The following CACNA1B variants were observed in gnomAD, a reference collection of about 807,000 sequenced individuals.
CACNA1B encodes the protein voltage-dependent N-type calcium channel subunit alpha-1B.
Under a neutral mutation model 247.2 loss-of-function variants are expected in CACNA1B, and 70 were observed. That is an observed-to-expected ratio of 0.28 (90% confidence interval 0.23 to 0.35). The LOEUF (loss-of-function observed/expected upper bound fraction) is 0.35. Ranked by LOEUF, CACNA1B falls within the 10% of genes least tolerant of loss-of-function variation. CACNA1B has a pLI of 1.00. For synonymous variants in CACNA1B, 1,231 were observed against 1,294.4 expected (o/e 0.95, Z 1.05); for missense variants, 2,367 against 3,197.4 (o/e 0.74, Z 6.26).
rs1175642355 is a variant in CACNA1B, at chr9:137,954,062, T to C, written c.1071-1636T>C. ...GCCCAAGGCAGGGCCTGCACGGTAT[T>C]TCCCACTCCTTCCCCACTGTGAGGA... On this transcript the variant is annotated intron_variant, in intron 7 of 46. Transcript: ENST00000371372. The surrounding 1 kb of genome is among the most constrained non-coding windows in gnomAD (Gnocchi z 4.1). Among the ~76,000 whole-genome samples, 1 of 152,138 alleles carries C rather than the reference T, an allele frequency of 6.6e-6. No homozygotes were observed. The highest frequency in any genetic ancestry group is 1.5e-5 in the Non-Finnish European group (1 of 67,994).
Position 138,120,926 on chromosome 9 carries a change from C to A in CACNA1B, c.6489+45C>A, listed in dbSNP as rs143073975. The A allele has an allele frequency of 7.1e-4, 1,086 of 1,525,222 alleles. 8 individuals carry two copies. In the African/African-American group the frequency reaches 0.012, roughly 17 times the overall value. The allele number at this position is 1,525,222 out of a possible 1,614,324, so 94.5% of individuals were successfully genotyped here. A position where few individuals can be genotyped will look rare whatever the true frequency, so the allele number is the denominator to read the frequency against. On this transcript the variant is annotated intron_variant, in intron 46 of 46. Coordinates refer to ENST00000371372, the MANE Select transcript of CACNA1B (RefSeq NM_000718.4). ...AGGTCAGGGCCCAGCTGCCTCTCCT[C>A]GGCCCAGCACCCCTGTCCCACAGGC...
intron 20 of CACNA1B, among the ~76,000 whole-genome samples, chr9:138,035,376 T>G (rs2133455579): frequency 6.6e-6 from 1 of 152,272 alleles, no homozygotes; most frequent in East Asian, 1.9e-4. Context: ...AGAGAATCTC[T>G]TGAACCCAGG....
chr9:137,906,222 G>A (rs1957297369), intron 3 of CACNA1B, among the ~76,000 whole-genome samples: 1 of 152,210 alleles, frequency 6.6e-6, no homozygotes, highest in South Asian at 2.1e-4. Flanking sequence ...ACTCCTCCTT[G>A]TTAAAATGCG....
At chr9:137,945,407 C>A (rs1179491104) in intron 6 of CACNA1B, among the ~76,000 whole-genome samples, 2 of 152,294 alleles carry the variant, frequency 1.3e-5, no homozygotes, top group East Asian at 3.9e-4. Context: ...CAAGGGCATC[C>A]CCACCTCTGG....
rs551288842 is a variant in CACNA1B, at chr9:137,953,638, G to A, written c.1070+1261G>A. ...AGGCTTGAGGCTTGGAGGAGGCACC[G>A]GGGGAGGGACATCTCAGCTGAGACC... is the stretch of plus-strand genomic sequence containing the variant. On this transcript the variant is annotated intron_variant, in intron 7 of 46. Transcript: ENST00000371372. 1.0e-3 allele frequency among the ~76,000 whole-genome samples: 157 copies of A among 152,298 alleles called. 2 individuals are homozygous for A. Among genetic ancestry groups the A allele is most frequent in the African/African-American group, 3.2e-3 (134 of 41,570 alleles).
intron 39 of CACNA1B, among the ~76,000 whole-genome samples, chr9:138,106,775 A>G (rs1961442640): frequency 6.6e-6 from 1 of 152,142 alleles, no homozygotes; most frequent in Non-Finnish European, 1.5e-5. Flanking sequence ...AAACAACCAA[A>G]AAAGTTATCT....
intron 20 of CACNA1B, among the ~76,000 whole-genome samples, chr9:138,037,980 A>G (rs1227027277): frequency 6.6e-6 from 1 of 152,214 alleles, no homozygotes; most frequent in Non-Finnish European, 1.5e-5. Flanking sequence ...TCTGTAAGAA[A>G]GATCTTACCT....
chr9:137,942,431 C>T (rs1957743894), intron 6 of CACNA1B, among the ~76,000 whole-genome samples: 1 of 152,176 alleles, frequency 6.6e-6, no homozygotes, highest in Admixed American at 6.5e-5. Flanking sequence ...CCTTAAAGAA[C>T]TAAAAGTAAA....
At chr9:138,085,298 C>CTTCT (rs1960659004) in intron 36 of CACNA1B, among the ~76,000 whole-genome samples, 1 of 150,554 alleles carries the variant, frequency 6.6e-6, no homozygotes, top group African/African-American at 2.5e-5. Flanking sequence ...AAAAAGAAAT[C>CTTCT]TCTGAACTTG....
intron 20 of CACNA1B, among the ~76,000 whole-genome samples, chr9:138,034,073 T>C (rs866129336): frequency 1.3e-5 from 2 of 152,190 alleles, no homozygotes; most frequent in Non-Finnish European, 2.9e-5. Flanking sequence ...CTTCCATTCA[T>C]ACCGGCCTGA....
intron 15 of CACNA1B, among the ~76,000 whole-genome samples, chr9:138,002,544 C>CAAAA (rs554684903): frequency 1.0e-5 from 1 of 97,088 alleles, no homozygotes; most frequent in African/African-American, 3.4e-5. Context: ...AGCCCATATC[C>CAAAA]AAAAAAAAAA....
intron 6 of CACNA1B, among the ~76,000 whole-genome samples, chr9:137,944,048 T>C (rs1018327189): frequency 2.0e-5 from 3 of 152,260 alleles, no homozygotes; most frequent in African/African-American, 7.2e-5. Context: ...AGGCTGGCAT[T>C]GTCCTTATGG....
chr9:138,052,249 C>CGTGCGTGTGT lies in CACNA1B; in HGVS notation c.3807+64_3807+65insCGTGTGTGTG. 1.3e-6 allele frequency: 1 copy of CGTGCGTGTGT among 779,168 alleles called. No individual in the cohort carries two copies. Among genetic ancestry groups the CGTGCGTGTGT allele is most frequent in the African/African-American group, 1.8e-5 (1 of 56,278 alleles). 48.3% of individuals were successfully genotyped at this position (779,168 alleles called of 1,614,324 possible). A position where few individuals can be genotyped will look rare whatever the true frequency, so the allele number is the denominator to read the frequency against. On this transcript the variant is annotated intron_variant, in intron 25 of 46. Transcript: ENST00000371372. This position sits in a 1 kb window ranked among gnomAD's most constrained non-coding sequence, Gnocchi z 5.1. ...GTGTGTGTGTGCGTGTGTGTGTGTG[C>CGTGCGTGTGT]GTGTGTGTGTGTGTATGCATGCAGT...
At chr9:138,047,072 G>A in intron 22 of CACNA1B, 39 bp downstream of exon 22, 1 of 1,571,742 alleles carries the variant, frequency 6.4e-7, no homozygotes, top group Non-Finnish European at 8.7e-7. Flanking sequence ...CCAGGCTGTG[G>A]CGGGGGAGCT....
chr9:138,111,800 C>T (rs1043674662), intron 39 of CACNA1B, among the ~76,000 whole-genome samples: 1 of 152,022 alleles, frequency 6.6e-6, no homozygotes, highest in Non-Finnish European at 1.5e-5. Context: ...CCAGTGTACT[C>T]GGGGGCTCCT....
At chr9:138,078,583 C>T (rs1460771023) in intron 36 of CACNA1B, among the ~76,000 whole-genome samples, 5 of 152,140 alleles carry the variant, frequency 3.3e-5, no homozygotes, top group South Asian at 2.1e-4. Context: ...AGCCAGTGTA[C>T]GGGGAAAGCA....
chr9:137,925,228 C>T (rs1306703454), intron 6 of CACNA1B, among the ~76,000 whole-genome samples: 2 of 152,232 alleles, frequency 1.3e-5, no homozygotes. Context: ...GCGCCATCCT[C>T]CCTCCCCAGG....
chr9:137,878,713 C>G (rs1956871846), intron 1 of CACNA1B, among the ~76,000 whole-genome samples: 1 of 152,142 alleles, frequency 6.6e-6, no homozygotes, highest in South Asian at 2.1e-4. Context: ...TGCGCGGGGT[C>G]TCCCTCCAGC....
intron 6 of CACNA1B, among the ~76,000 whole-genome samples, chr9:137,936,352 T>C (rs1247486831): frequency 6.6e-6 from 1 of 152,240 alleles, no homozygotes; most frequent in Non-Finnish European, 1.5e-5. Flanking sequence ...CCTGTAAATT[T>C]GTTTAAGTTC....
Sources: allele counts gnomAD v4.1 joint callset (sites outside exome capture counted in the v4.1 genomes callset), GRCh38; gene constraint gnomAD v4.1.1; non-coding constraint Gnocchi (gnomAD v3.1); transcripts MANE v1.5; gene names NCBI Gene and HGNC (gene_info 2026-07-23, HGNC 2026-07-21).